FRYL: variants seen among roughly 807,000 people sequenced by gnomAD.
The protein encoded by FRYL is FRY like transcription coactivator.
A neutral mutation model predicts 351.2 loss-of-function variants in FRYL; 150 were observed. That is an observed-to-expected ratio of 0.43 (90% confidence interval 0.37 to 0.49). The LOEUF is 0.49. Ranked by LOEUF, FRYL falls within the 20% of genes least tolerant of loss-of-function variation. FRYL has a pLI of 0.00. For missense variants in FRYL, 3,036 were observed against 3,619.3 expected, an observed-to-expected ratio of 0.84 and a Z score of 4.13; for synonymous variants, 1,153 against 1,257.1, an observed-to-expected ratio of 0.92 and a Z score of 1.75.
intron 3 of FRYL, chr4:48,653,863 C>A (rs1758230695): frequency 1.6e-6 from 2 of 1,285,338 alleles, no homozygotes; most frequent in Admixed American, 4.6e-5. Context: ...AGCGGTTTTG[C>A]CGTTCTGTCT....
At chr4:48,763,509 ATACT>A (rs1350238461) in intron 1 of FRYL, among the ~76,000 whole-genome samples, 1 of 152,212 alleles carries the variant, frequency 6.6e-6, no homozygotes, top group Non-Finnish European at 1.5e-5. Flanking sequence ...TATGTTCCTA[ATACT>A]TAATCATTCA....
At chr4:48,638,368 T>C (rs892881769) in intron 3 of FRYL, 6 of 152,060 alleles carry the variant, frequency 3.9e-5, no homozygotes, top group African/African-American at 9.7e-5. Flanking sequence ...CTTTGGAACA[T>C]GAACAAAAGT....
chr4:48,603,031 A>G (rs1746017670), intron 12 of FRYL, among the ~76,000 whole-genome samples: 1 of 152,228 alleles, frequency 6.6e-6, no homozygotes, highest in African/African-American at 2.4e-5. Flanking sequence ...TTCTTAGAAC[A>G]TATTTCCATC....
chr4:48,736,604 C>G (rs1771433450), intron 1 of FRYL, among the ~76,000 whole-genome samples: 1 of 151,880 alleles, frequency 6.6e-6, no homozygotes. Context: ...AATCCCAGCA[C>G]TTTGGGAGGT....
At chr4:48,770,770 T>C (rs1189321006) in intron 1 of FRYL, among the ~76,000 whole-genome samples, 3 of 152,124 alleles carry the variant, frequency 2.0e-5, no homozygotes, top group Non-Finnish European at 4.4e-5. Context: ...TTATAGTATA[T>C]AGTTTACAAT....
rs367579064 is a variant in FRYL at position 48,547,542 on chromosome 4, A to C, written c.5074+42T>G. The C allele has an allele frequency of 1.2e-5, 14 of 1,162,970 alleles. No individual in the cohort carries two copies. The African/African-American group carries it at 2.0e-4, about 17-fold the overall frequency. The allele number at this position is 1,162,970 out of a possible 1,614,324, so 72.0% of individuals were successfully genotyped here. Reference sequence around the variant, plus strand: ...TCTAATGCAGGATTCCAAATTAATAAAGTATAATTCTACTTTCAAATTGTA... The same window carrying C: ...TCTAATGCAGGATTCCAAATTAATACAGTATAATTCTACTTTCAAATTGTA... On this transcript the variant is annotated intron_variant, in intron 41 of 63. Coordinates refer to ENST00000358350, the MANE Select transcript of FRYL (RefSeq NM_015030.2).
At chr4:48,779,230 C>T (rs892163985) in intron 1 of FRYL, among the ~76,000 whole-genome samples, 11 of 152,220 alleles carry the variant, frequency 7.2e-5, no homozygotes, top group Non-Finnish European at 1.3e-4. Flanking sequence ...TTCCATCAAA[C>T]GGCAAATAAA....
chr4:48,660,428 A>G lies in FRYL; in HGVS notation c.-81+24245T>C, dbSNP rs555424794. ...AGAACTGGTTAAGAGTGGCTCCACT[A>G]TGCCTAAACTGTTTGTATAAATAAT... is the stretch of plus-strand genomic sequence containing the variant. On this transcript the variant is annotated intron_variant, in intron 3 of 63. Coordinates refer to ENST00000358350, the MANE Select transcript of FRYL (RefSeq NM_015030.2). Among the ~76,000 whole-genome samples the G allele has an allele frequency of 3.3e-5, 5 of 152,306 alleles. No individual in the cohort carries two copies. The South Asian group carries it at 1.0e-3, about 32-fold the overall frequency.
chr4:48,550,132 G>A (rs1208022142), intron 38 of FRYL, among the ~76,000 whole-genome samples: 1 of 152,188 alleles, frequency 6.6e-6, no homozygotes, highest in East Asian at 1.9e-4. Flanking sequence ...TGTGCAAAAT[G>A]AGGAGATTGG....
At chr4:48,503,402 A>G (rs940300245) in intron 60 of FRYL, among the ~76,000 whole-genome samples, 1 of 152,182 alleles carries the variant, frequency 6.6e-6, no homozygotes, top group African/African-American at 2.4e-5. Flanking sequence ...GTGCTGAGCC[A>G]CAGGGTGGAA....
chr4:48,745,491 C>T (rs1306863391), intron 1 of FRYL, among the ~76,000 whole-genome samples: 2 of 152,034 alleles, frequency 1.3e-5, no homozygotes, highest in African/African-American at 4.8e-5. Context: ...TCTCAGCAAA[C>T]TTATCGCAAG....
intron 3 of FRYL, among the ~76,000 whole-genome samples, chr4:48,640,175 G>C (rs1755048180): frequency 6.6e-6 from 1 of 152,168 alleles, no homozygotes; most frequent in Non-Finnish European, 1.5e-5. Context: ...CACAGGAGCT[G>C]AAGACGTATG....
intron 3 of FRYL, among the ~76,000 whole-genome samples, chr4:48,680,038 A>G (rs1386290742): frequency 6.6e-6 from 1 of 152,086 alleles, no homozygotes; most frequent in African/African-American, 2.4e-5. Context: ...GATGTACTAA[A>G]TGAAAAAGCA....
chr4:48,531,815 T>C (rs1727709247), intron 49 of FRYL, among the ~76,000 whole-genome samples: 1 of 152,198 alleles, frequency 6.6e-6, no homozygotes, highest in African/African-American at 2.4e-5. Context: ...AATACTAAAA[T>C]ACAGTTAAGT....
chr4:48,689,895 CTTTTTTT>C (rs869300628), intron 2 of FRYL, among the ~76,000 whole-genome samples: 1 of 135,682 alleles, frequency 7.4e-6, no homozygotes, highest in African/African-American at 2.7e-5. Flanking sequence ...TTCTTTTTTT[CTTTTTTT>C]TTTTTTTTTT....
chr4:48,560,091 T>C (rs1483862936), intron 33 of FRYL, among the ~76,000 whole-genome samples: 2 of 151,898 alleles, frequency 1.3e-5, no homozygotes, highest in Non-Finnish European at 2.9e-5. Flanking sequence ...AGGAAGGGGT[T>C]AGGAGCAGGT....
intron 7 of FRYL, among the ~76,000 whole-genome samples, chr4:48,614,959 T>C (rs1749103570): frequency 6.6e-6 from 1 of 150,662 alleles, no homozygotes; most frequent in Non-Finnish European, 1.5e-5. Flanking sequence ...CCCAAGTAGC[T>C]GGGACTACAG....
At chr4:48,646,256 A>G (rs955878873) in intron 3 of FRYL, among the ~76,000 whole-genome samples, 2 of 152,242 alleles carry the variant, frequency 1.3e-5, no homozygotes, top group African/African-American at 4.8e-5. Flanking sequence ...ACAATTCACA[A>G]GATTTTCTAT....
chr4:48,729,142 C>T (rs1297502893), intron 1 of FRYL, among the ~76,000 whole-genome samples: 1 of 152,250 alleles, frequency 6.6e-6, no homozygotes, highest in African/African-American at 2.4e-5. Flanking sequence ...CTGAGATTGA[C>T]CTGGGACGTG....
Sources: allele counts gnomAD v4.1 joint callset (sites outside exome capture counted in the v4.1 genomes callset), GRCh38; gene constraint gnomAD v4.1.1; transcripts MANE v1.5; gene names NCBI Gene and HGNC (gene_info 2026-07-23, HGNC 2026-07-21).